PGBD5: variants seen among roughly 807,000 people sequenced by gnomAD.
PGBD5 encodes the protein piggyBac transposable element derived 5.
Under a neutral mutation model 47.9 loss-of-function variants are expected in PGBD5, and 14 were observed. The observed-to-expected ratio is 0.29, with a 90% CI of 0.19 to 0.46. The LOEUF is 0.46. PGBD5 is among the 20% of genes least tolerant of loss of function. The pLI is 1.00. For synonymous variants in PGBD5, 316 were observed against 306.3 expected (o/e 1.03, Z -0.33); for missense variants, 635 against 716.0 (o/e 0.89, Z 1.29).
chr1:230,396,247 TTTTACCCCCACACTCC>T, intron 1 of PGBD5, among the ~76,000 whole-genome samples: 1 of 10,634 alleles, frequency 9.4e-5, no homozygotes, highest in Non-Finnish European at 1.6e-4. Context: ...CACTCCTCCC[TTTTACCCCCACACTCC>T]TCCTTTTTAC....
intron 4 of PGBD5, among the ~76,000 whole-genome samples, chr1:230,335,834 C>CAG (rs1667312906): frequency 1.1e-4 from 15 of 138,578 alleles, no homozygotes; most frequent in South Asian, 2.3e-4. Context: ...CAGACATACA[C>CAG]ATACACACAC....
At position 230,357,429 on chromosome 1, in the gene PGBD5, G is replaced by C. The variant is rs144759508; in HGVS notation, c.332-108C>G. The C allele has an allele frequency of 1.7e-4, 204 of 1,208,232 alleles. 1 individual carries two copies. The South Asian group carries it at 2.9e-3, about 17-fold the overall frequency. 74.8% of individuals were successfully genotyped at this position (1,208,232 alleles called of 1,614,324 possible). On this transcript the variant is annotated intron_variant, in intron 1 of 6. Coordinates refer to ENST00000391860, the MANE Select transcript of PGBD5 (RefSeq NM_001258311.2). This position sits in a 1 kb window ranked among gnomAD's most constrained non-coding sequence, Gnocchi z 5.7. Reference sequence around the variant, plus strand: ...CCTGGGTCCCTGGCCGAGTGCCCCCGCTGCCTCCAGTGCTACCGCCTTCCC... The same window carrying C: ...CCTGGGTCCCTGGCCGAGTGCCCCCCCTGCCTCCAGTGCTACCGCCTTCCC...
chr1:230,412,065 T>G (rs1263775582), intron 1 of PGBD5, among the ~76,000 whole-genome samples: 2 of 152,164 alleles, frequency 1.3e-5, no homozygotes, highest in Admixed American at 6.5e-5. Flanking sequence ...AGCACCAAGT[T>G]TTCTACATGG....
chr1:230,415,502 G>C (rs1321270604), intron 1 of PGBD5, among the ~76,000 whole-genome samples: 1 of 152,196 alleles, frequency 6.6e-6, no homozygotes, highest in Non-Finnish European at 1.5e-5. Flanking sequence ...AGGGAAGCTT[G>C]CTGGAGGCTT....
chr1:230,377,629 C>T (rs1264427163), intron 1 of PGBD5: 3 of 1,507,492 alleles, frequency 2.0e-6, no homozygotes, highest in Admixed American at 2.3e-5. Flanking sequence ...CATATCTGAC[C>T]TACCGAACAG....
intron 1 of PGBD5, among the ~76,000 whole-genome samples, chr1:230,403,300 C>T (rs190527234): frequency 1.3e-5 from 2 of 152,186 alleles, no homozygotes; most frequent in Non-Finnish European, 1.5e-5. Flanking sequence ...AAGTGGAGTG[C>T]TGCCCTGTCA....
At position 230,320,855 on chromosome 1, in the gene PGBD5, C is replaced by T. The variant is rs1332493906; in HGVS notation, c.*2570G>A. ...TGTCCTTCTGGATGGAGAAGAGAAACTCTTCTCAGTCAACAGCATTCCTCC... is the reference window on the plus strand; with the variant it reads ...TGTCCTTCTGGATGGAGAAGAGAAATTCTTCTCAGTCAACAGCATTCCTCC... On this transcript the variant is annotated 3_prime_UTR_variant, in exon 7 of 7. Transcript: ENST00000391860. 2 of 152,214 alleles carry T rather than the reference C, an allele frequency of 1.3e-5. No individual in the cohort carries two copies. The highest frequency in any genetic ancestry group is 2.9e-5 in the Non-Finnish European group (2 of 68,046). The allele number at this position is 152,214 out of a possible 1,614,324, so 9.4% of individuals were successfully genotyped here. A position where few individuals can be genotyped will look rare whatever the true frequency, so the allele number is the denominator to read the frequency against.
At chr1:230,420,896 T>C (rs1657632567) in intron 1 of PGBD5, among the ~76,000 whole-genome samples, 1 of 152,160 alleles carries the variant, frequency 6.6e-6, no homozygotes, top group African/African-American at 2.4e-5. Flanking sequence ...AACAAAGGCG[T>C]GAGCAAGGTA....
chr1:230,403,326 C>A (rs961964935), intron 1 of PGBD5, among the ~76,000 whole-genome samples: 1 of 152,206 alleles, frequency 6.6e-6, no homozygotes, highest in Non-Finnish European at 1.5e-5. Flanking sequence ...TACTCTTTTC[C>A]TTGAGATCAA....
Position 230,356,933 on chromosome 1 carries a change from C to T in PGBD5, c.720G>A (p.Gln240=). The T allele has an allele frequency of 6.2e-7, 1 of 1,614,158 alleles. No homozygotes were observed. The highest frequency in any genetic ancestry group is 1.3e-5 in the African/African-American group (1 of 75,048). ...GCCTGAAGGCAGAGTCGAAGCTGTT[C>T]TGCAGGGAGTCGAGGAAGGGCTGGA... is the stretch of plus-strand genomic sequence containing the variant. ...YKVQPFLDSL[Q]NSFDSAFRPS... The change falls in exon 2 of 7, where the codon CAG becomes CAA. Residue 240 remains glutamine (Q), a synonymous_variant. Coordinates refer to ENST00000391860, the MANE Select transcript of PGBD5 (RefSeq NM_001258311.2).
chr1:230,367,115 C>T (rs1667848048), intron 1 of PGBD5, among the ~76,000 whole-genome samples: 1 of 151,960 alleles, frequency 6.6e-6, no homozygotes, highest in Admixed American at 6.6e-5. Context: ...CAGCTTTCTC[C>T]CTCCCCGCTT....
intron 1 of PGBD5, among the ~76,000 whole-genome samples, chr1:230,365,924 G>C (rs763814531): frequency 1.2e-4 from 18 of 152,204 alleles, no homozygotes; most frequent in Non-Finnish European, 2.1e-4. Context: ...CCAGATCTGG[G>C]ACTCAATGTA....
intron 2 of PGBD5, among the ~76,000 whole-genome samples, chr1:230,351,529 A>C (rs1016944158): frequency 1.3e-5 from 2 of 152,306 alleles, no homozygotes; most frequent in African/African-American, 4.8e-5. Flanking sequence ...CTGCTAAAAA[A>C]GTCTTTCACT....
chr1:230,398,889 C>T (rs190362947), intron 1 of PGBD5, among the ~76,000 whole-genome samples: 2 of 152,264 alleles, frequency 1.3e-5, no homozygotes, highest in African/African-American at 4.8e-5. Flanking sequence ...CCCAGAGCAG[C>T]TGGTCTGAAA....
chr1:230,343,972 A>C (rs1175797361), intron 3 of PGBD5, among the ~76,000 whole-genome samples: 4 of 152,204 alleles, frequency 2.6e-5, no homozygotes, highest in Non-Finnish European at 5.9e-5. Context: ...GGAGGAGTCA[A>C]CATAGCCTAG....
At chr1:230,330,382 C>A (rs543859792) in intron 5 of PGBD5, among the ~76,000 whole-genome samples, 1 of 152,272 alleles carries the variant, frequency 6.6e-6, no homozygotes, top group Admixed American at 6.5e-5. Flanking sequence ...AGGAAATGAT[C>A]AAAGATGTGC....
At chr1:230,422,144 CTCT>C (rs1657662435) in intron 1 of PGBD5, among the ~76,000 whole-genome samples, 1 of 152,044 alleles carries the variant, frequency 6.6e-6, no homozygotes, top group African/African-American at 2.4e-5. Flanking sequence ...CTCTCTCTCT[CTCT>C]TCTATGAAGT....
At position 230,319,426 on chromosome 1, in the gene PGBD5, T is replaced by A. The variant is rs1667002102; in HGVS notation, c.*3999A>T. 1 of 151,102 alleles carries A rather than the reference T, an allele frequency of 6.6e-6. No homozygotes were observed. Among genetic ancestry groups the A allele is most frequent in the Non-Finnish European group, 1.5e-5 (1 of 67,710 alleles). The allele number at this position is 151,102 out of a possible 1,614,324, so 9.4% of individuals were successfully genotyped here. A position where few individuals can be genotyped will look rare whatever the true frequency, so the allele number is the denominator to read the frequency against. ...CCCCAATCCCAGGCAAGTGGGGAAA[T>A]GTTTTTTTTTTGCCATGAATGCAGA... On this transcript the variant is annotated 3_prime_UTR_variant, in exon 7 of 7. Transcript: ENST00000391860.
At chr1:230,358,799 T>C (rs1346696599) in intron 1 of PGBD5, among the ~76,000 whole-genome samples, 2 of 152,228 alleles carry the variant, frequency 1.3e-5, no homozygotes, top group Non-Finnish European at 2.9e-5. Context: ...CGATAGGCTA[T>C]GCCGTATAGC....
Sources: allele counts gnomAD v4.1 joint callset (sites outside exome capture counted in the v4.1 genomes callset), GRCh38; gene constraint gnomAD v4.1.1; non-coding constraint Gnocchi (gnomAD v3.1); transcripts MANE v1.5; gene names NCBI Gene and HGNC (gene_info 2026-07-23, HGNC 2026-07-21).